Variants in FAM184A observed in about 807,000 individuals in gnomAD.
FAM184A encodes the protein family with sequence similarity 184 member A.
Under a neutral mutation model 143.8 loss-of-function variants are expected in FAM184A, and 99 were observed. That is an observed-to-expected ratio of 0.69 (90% CI 0.58 to 0.81). The LOEUF (loss-of-function observed/expected upper bound fraction) is 0.81, where lower values mean the gene tolerates loss of function less well. Among genes scored for constraint, FAM184A ranks in the 40% least tolerant of loss-of-function variants. FAM184A has a pLI of 0.00. For synonymous variants in FAM184A, 427 were observed against 446.4 expected (o/e 0.96, Z 0.55); for missense variants, 1,217 against 1,310.5 (o/e 0.93, Z 1.10).
intron 9 of FAM184A, among the ~76,000 whole-genome samples, chr6:118,992,891 C>CTGCA (rs1784423636): frequency 6.6e-6 from 1 of 152,168 alleles, no homozygotes; most frequent in Non-Finnish European, 1.5e-5. Context: ...GACTGTACTA[C>CTGCA]TGCACTCCAG....
At chr6:119,068,670 C>A (rs1787559293) in intron 1 of FAM184A, among the ~76,000 whole-genome samples, 1 of 152,136 alleles carries the variant, frequency 6.6e-6, no homozygotes, top group Non-Finnish European at 1.5e-5. Flanking sequence ...GCTCTGGGAA[C>A]AATGTGGCTC....
At chr6:119,092,937 T>C (rs554093751) in intron 1 of FAM184A, among the ~76,000 whole-genome samples, 1 of 152,312 alleles carries the variant, frequency 6.6e-6, no homozygotes, top group Non-Finnish European at 1.5e-5. Flanking sequence ...GAAGATCTAT[T>C]ATCACAAATC....
intron 1 of FAM184A, among the ~76,000 whole-genome samples, chr6:119,026,160 TGA>T (rs1785628218): frequency 6.6e-6 from 1 of 152,210 alleles, no homozygotes; most frequent in East Asian, 1.9e-4. Flanking sequence ...GTAAAAAGAT[TGA>T]GAGATGGCAG....
chr6:119,003,691 G>A, intron 7 of FAM184A, 69 bp from the exon 8 acceptor site: 5 of 1,438,762 alleles, frequency 3.5e-6, no homozygotes, highest in Non-Finnish European at 4.6e-6. Context: ...TTTTAAATAA[G>A]TAAAGTGCTT....
At chr6:119,018,780 G>C in intron 4 of FAM184A, among the ~76,000 whole-genome samples, 1 of 152,072 alleles carries the variant, frequency 6.6e-6, no homozygotes, top group East Asian at 1.9e-4. Context: ...AGCAGGGGAG[G>C]ATGGAATAAA....
At chr6:119,059,671 A>G (rs1787146042) in intron 1 of FAM184A, among the ~76,000 whole-genome samples, 1 of 152,212 alleles carries the variant, frequency 6.6e-6, no homozygotes, top group South Asian at 2.1e-4. Flanking sequence ...AGACATAATT[A>G]CTTGAAGCAA....
rs1787939815 is a variant in FAM184A at position 119,078,112 on chromosome 6, G to A, written c.159+29C>T. 1.9e-6 allele frequency: 3 copies of A among 1,558,648 alleles called. No homozygotes were observed. The highest frequency in any genetic ancestry group is 1.4e-5 in the African/African-American group (1 of 73,082). ...AGTCCGGCGCGGCCCGCACGGGGTC[G>A]CCACCTGCCCCGTCGCTGCCCCCCT... is the stretch of plus-strand genomic sequence containing the variant. On this transcript the variant is annotated intron_variant, in intron 1 of 17. Coordinates refer to ENST00000338891, the MANE Select transcript of FAM184A (RefSeq NM_024581.6). The surrounding 1 kb of genome is among the most constrained non-coding windows in gnomAD (Gnocchi z 5.5).
chr6:119,084,137 A>G (rs1788150545), intron 1 of FAM184A, among the ~76,000 whole-genome samples: 1 of 152,158 alleles, frequency 6.6e-6, no homozygotes. Flanking sequence ...TTAAACCATC[A>G]GATCTCATGA....
At chr6:119,102,828 A>G (rs1454289248) in intron 1 of FAM184A, among the ~76,000 whole-genome samples, 2 of 151,452 alleles carry the variant, frequency 1.3e-5, no homozygotes, top group Non-Finnish European at 1.5e-5. Flanking sequence ...AAGAAAAGAA[A>G]ATATCACTAA....
intron 4 of FAM184A, among the ~76,000 whole-genome samples, chr6:119,019,113 G>A (rs530795307): frequency 6.6e-6 from 1 of 152,328 alleles, no homozygotes; most frequent in Non-Finnish European, 1.5e-5. Context: ...TGGAATGAAT[G>A]AGTGCGTAGA....
At chr6:119,100,898 G>A (rs139751065) in intron 1 of FAM184A, among the ~76,000 whole-genome samples, 2,255 of 151,812 alleles carry the variant, frequency 0.015, 18 homozygotes, top group Middle Eastern at 0.051. Flanking sequence ...GGGGGCAGTT[G>A]CAGTGAGCTG....
intron 1 of FAM184A, among the ~76,000 whole-genome samples, chr6:119,034,157 A>G (rs1228661866): frequency 1.3e-5 from 2 of 150,946 alleles, no homozygotes; most frequent in African/African-American, 4.9e-5. Flanking sequence ...TGAGGAGATC[A>G]TAAACGAACA....
In FAM184A at chr6:118,960,145, A is replaced by T. The variant is rs1562450919; in HGVS notation, c.3381T>A (p.Asp1127Glu). ...QSEASPVASP[D>E]PQRQEWFARY... is the part of the protein sequence containing the mutation. ...GGGCAAACCACTCCTGGCGCTGGGG[A>T]TCTGGAGAAGCCACTGGAGAAGCTT... Residue 1127 changes from aspartate (D) to glutamate (E), a missense_variant, in exon 18 of 18, where the codon GAT becomes GAA. Coordinates refer to ENST00000338891, the MANE Select transcript of FAM184A (RefSeq NM_024581.6). The T allele has an allele frequency of 6.2e-7, 1 of 1,613,420 alleles. No homozygotes were observed.
chr6:119,061,388 C>A (rs989069815), intron 1 of FAM184A, among the ~76,000 whole-genome samples: 11 of 151,950 alleles, frequency 7.2e-5, no homozygotes, highest in African/African-American at 2.7e-4. Flanking sequence ...CAAGGTCACA[C>A]TGTGTCATCC....
At chr6:118,997,989 C>T (rs1400719481) in intron 9 of FAM184A, among the ~76,000 whole-genome samples, 2 of 152,130 alleles carry the variant, frequency 1.3e-5, no homozygotes, top group African/African-American at 4.8e-5. Context: ...TATTTTAATG[C>T]TGTTTCTTAG....
At chr6:119,034,033 T>G (rs1244826278) in intron 1 of FAM184A, among the ~76,000 whole-genome samples, 2 of 25,234 alleles carry the variant, frequency 7.9e-5, no homozygotes, top group East Asian at 8.0e-4. Context: ...TATATATATA[T>G]ATATATATAG....
intron 1 of FAM184A, among the ~76,000 whole-genome samples, chr6:119,137,335 G>T (rs903877644): frequency 6.6e-6 from 1 of 151,706 alleles, no homozygotes; most frequent in Non-Finnish European, 1.5e-5. Flanking sequence ...AGAGAGAAGA[G>T]AGATAAGAGA....
intron 1 of FAM184A, among the ~76,000 whole-genome samples, chr6:119,131,578 T>C (rs1311530454): frequency 6.6e-6 from 1 of 152,136 alleles, no homozygotes; most frequent in African/African-American, 2.4e-5. Flanking sequence ...TTCAACCTCC[T>C]GGGCTCAAGC....
intron 1 of FAM184A, among the ~76,000 whole-genome samples, chr6:119,111,719 G>A (rs186184460): frequency 6.4e-4 from 97 of 152,260 alleles, no homozygotes; most frequent in Middle Eastern, 3.4e-3. Context: ...TTATTTTGGC[G>A]GTGTCGAGAA....
Sources: gnomAD v4.1 joint callset for allele counts (sites outside exome capture counted in the v4.1 genomes callset) on GRCh38, gnomAD v4.1.1 for gene constraint, Gnocchi (gnomAD v3.1) non-coding constraint, MANE v1.5 for transcripts, NCBI Gene and HGNC (gene_info 2026-07-23, HGNC 2026-07-21) for gene names.